The following ANGPTL2 variants were observed in gnomAD, a reference collection of about 807,000 sequenced individuals.
The protein encoded by ANGPTL2 is angiopoietin-related protein 2.
ANGPTL2 carries 25 observed loss-of-function variants against 52.8 expected under a neutral mutation model. The observed-to-expected ratio is 0.47, with a 90% CI of 0.35 to 0.66. The LOEUF (loss-of-function observed/expected upper bound fraction) is 0.66. Among genes scored for constraint, ANGPTL2 ranks in the 30% least tolerant of loss-of-function variants. The pLI is 0.01. For synonymous variants in ANGPTL2, 276 were observed against 277.4 expected (o/e 1.00, Z 0.05); for missense variants, 546 against 656.9 (o/e 0.83, Z 1.84).
rs1386241206 is a variant in ANGPTL2 at position 127,091,916 on chromosome 9, C to T, written c.1036G>A (p.Glu346Lys). ...ATGTTCTCCAGGCCCAGCCAGTATTCGCCGTCAATGTTCCCAAACCCTTGC... is the reference window on the plus strand; with the variant it reads ...ATGTTCTCCAGGCCCAGCCAGTATTTGCCGTCAATGTTCCCAAACCCTTGC... The part of the protein sequence containing the change: ...YKQGFGNIDG[E>K]YWLGLENIYW... Residue 346 changes from glutamate (E) to lysine (K), a missense_variant, in exon 4 of 5, where the codon GAA becomes AAA. This residue lies in a region of ANGPTL2 where 261 missense variants were observed against 361.0 expected (regional missense o/e 0.72). Transcript: ENST00000373425. The surrounding 1 kb of genome is among the most constrained non-coding windows in gnomAD (Gnocchi z 4.3). The T allele has an allele frequency of 7.4e-6, 12 of 1,614,058 alleles. No individual in the cohort carries two copies. Among genetic ancestry groups the T allele is most frequent in the South Asian group, 1.1e-5 (1 of 91,054 alleles).
At chr9:127,107,397 C>T in intron 2 of ANGPTL2, among the ~76,000 whole-genome samples, 1 of 152,210 alleles carries the variant, frequency 6.6e-6, no homozygotes, top group East Asian at 1.9e-4. Flanking sequence ...TAGACAGCAG[C>T]AGACTCTAGG....
chr9:127,112,589 A>C (rs2054949985), intron 1 of ANGPTL2, among the ~76,000 whole-genome samples: 1 of 152,226 alleles, frequency 6.6e-6, no homozygotes. Context: ...ATGGGCTCTC[A>C]CAGCTCCCCG....
At chr9:127,117,884 C>G (rs1345478156) in intron 1 of ANGPTL2, among the ~76,000 whole-genome samples, 1 of 152,164 alleles carries the variant, frequency 6.6e-6, no homozygotes, top group African/African-American at 2.4e-5. Flanking sequence ...AAGATAAGAA[C>G]AGAGTCCATT....
At chr9:127,099,719 C>T (rs923349960) in intron 2 of ANGPTL2, among the ~76,000 whole-genome samples, 22 of 152,198 alleles carry the variant, frequency 1.4e-4, no homozygotes, top group African/African-American at 2.2e-4. Flanking sequence ...TGCTTTTCAG[C>T]GAACCAGAGT....
At chr9:127,114,682 G>A (rs1388222192) in intron 1 of ANGPTL2, among the ~76,000 whole-genome samples, 1 of 152,216 alleles carries the variant, frequency 6.6e-6, no homozygotes, top group African/African-American at 2.4e-5. Context: ...CACAGATGAA[G>A]GCCAATAATG....
At chr9:127,111,537 G>A (rs2054811745) in intron 1 of ANGPTL2, among the ~76,000 whole-genome samples, 2 of 152,186 alleles carry the variant, frequency 1.3e-5, no homozygotes, top group Admixed American at 6.5e-5. Context: ...GGATAGATTG[G>A]GGCAGGGATC....
At chr9:127,098,610 C>A (rs566351084) in intron 2 of ANGPTL2, among the ~76,000 whole-genome samples, 3 of 152,228 alleles carry the variant, frequency 2.0e-5, no homozygotes, top group Admixed American at 6.5e-5. Context: ...AGGTCTCAGC[C>A]CGGACCCCAC....
At chr9:127,104,032 C>G (rs2053989825) in intron 2 of ANGPTL2, among the ~76,000 whole-genome samples, 1 of 152,218 alleles carries the variant, frequency 6.6e-6, no homozygotes, top group African/African-American at 2.4e-5. Context: ...GGGTCGATCT[C>G]TGCTCTGCCA....
At position 127,093,941 on chromosome 9, in the gene ANGPTL2, AT is replaced by A; in HGVS notation, c.818-16del. On this transcript the variant is annotated splice_polypyrimidine_tract_variant and intron_variant, in intron 2 of 4. Transcript: ENST00000373425. The stretch of plus-strand genomic sequence containing the variant: ...TCTCCATGGGCCTGGGGACACAGAC[AT>A]GCATATACATCACAGACCTGCCTGT... 1 of 1,611,814 alleles carries A rather than the reference AT, an allele frequency of 6.2e-7. No individual in the cohort carries two copies.
chr9:127,094,091 T>C (rs1267358300), intron 2 of ANGPTL2, among the ~76,000 whole-genome samples, 165 bp from the exon 3 acceptor site: 1 of 152,264 alleles, frequency 6.6e-6, no homozygotes, highest in East Asian at 1.9e-4. Flanking sequence ...TAAGTAATTA[T>C]AAAGACAAGA....
At chr9:127,096,390 C>T (rs944213134) in intron 2 of ANGPTL2, among the ~76,000 whole-genome samples, 3 of 152,214 alleles carry the variant, frequency 2.0e-5, no homozygotes, top group Non-Finnish European at 4.4e-5. Context: ...ACGGAAGATC[C>T]GGCAGAAGCC....
chr9:127,088,168 A>C lies in ANGPTL2; in HGVS notation c.*771T>G, dbSNP rs1262783497. 3 of 152,384 alleles carry C rather than the reference A, an allele frequency of 2.0e-5. No homozygotes were observed. Among genetic ancestry groups the C allele is most frequent in the Non-Finnish European group, 2.9e-5 (2 of 68,070 alleles). The allele number at this position is 152,384 out of a possible 1,614,324, so 9.4% of individuals were successfully genotyped here. A position where few individuals can be genotyped will look rare whatever the true frequency, so the allele number is the denominator to read the frequency against. On this transcript the variant is annotated 3_prime_UTR_variant, in exon 5 of 5. Transcript: ENST00000373425. Reference sequence around the variant, plus strand: ...GGCCAGGGACTGACACACAGAAGGCACTTAATGAATGGTGTCAAATGAAGG... The same window carrying C: ...GGCCAGGGACTGACACACAGAAGGCCCTTAATGAATGGTGTCAAATGAAGG...
chr9:127,113,454 C>G (rs990386696), intron 1 of ANGPTL2, among the ~76,000 whole-genome samples: 9 of 151,190 alleles, frequency 6.0e-5, no homozygotes, highest in Non-Finnish European at 1.0e-4. Context: ...TTTACTTTTG[C>G]TCTCTTGATA....
intron 2 of ANGPTL2, among the ~76,000 whole-genome samples, chr9:127,098,617 C>T (rs1415774416): frequency 6.6e-6 from 1 of 152,142 alleles, no homozygotes; most frequent in Non-Finnish European, 1.5e-5. Flanking sequence ...AGCCCGGACC[C>T]CACTGCCATA....
intron 2 of ANGPTL2, among the ~76,000 whole-genome samples, chr9:127,101,192 A>C (rs1186984963): frequency 6.6e-6 from 1 of 152,230 alleles, no homozygotes; most frequent in Admixed American, 6.5e-5. Flanking sequence ...GGTGATGATC[A>C]TGTATCTAGA....
At chr9:127,121,656 G>A (rs1326485911) in intron 1 of ANGPTL2, among the ~76,000 whole-genome samples, 1 of 152,244 alleles carries the variant, frequency 6.6e-6, no homozygotes, top group Non-Finnish European at 1.5e-5. Context: ...GGGGGTACCA[G>A]GGAAGCCGCA....
At chr9:127,104,602 C>T (rs1047156780) in intron 2 of ANGPTL2, among the ~76,000 whole-genome samples, 2 of 152,246 alleles carry the variant, frequency 1.3e-5, no homozygotes, top group Non-Finnish European at 2.9e-5. Flanking sequence ...CTGCCTGTGC[C>T]TCCTCACTCA....
chr9:127,118,617 C>T (rs1206662185), intron 1 of ANGPTL2, among the ~76,000 whole-genome samples: 3 of 152,158 alleles, frequency 2.0e-5, no homozygotes, highest in African/African-American at 4.8e-5. Context: ...TTCTGTAAGA[C>T]GGGGACAGCA....
chr9:127,097,397 G>T (rs2053255797), intron 2 of ANGPTL2, among the ~76,000 whole-genome samples: 1 of 152,186 alleles, frequency 6.6e-6, no homozygotes, highest in Admixed American at 6.5e-5. Flanking sequence ...TCTGTACACG[G>T]AATTTCACAT....
Sources: gnomAD v4.1 joint callset for allele counts (sites outside exome capture counted in the v4.1 genomes callset) on GRCh38, gnomAD v4.1.1 for gene constraint, gnomAD v4.1.1 regional missense constraint, Gnocchi (gnomAD v3.1) non-coding constraint, MANE v1.5 for transcripts, NCBI Gene and HGNC (gene_info 2026-07-23, HGNC 2026-07-21) for gene names.